The following CCDC91 variants were observed in gnomAD, a reference collection of about 807,000 sequenced individuals.
CCDC91 encodes the protein coiled-coil domain containing 91.
In CCDC91, 48 loss-of-function variants were observed where a neutral mutation model predicts 63.2. That is an observed-to-expected ratio of 0.76 (90% CI 0.60 to 0.97). CCDC91 has a LOEUF of 0.97. CCDC91 is among the 50% of genes least tolerant of loss of function. The probability of loss-of-function intolerance (pLI) is 0.00; values close to 1 mark genes in which losing one functional copy is unlikely to be tolerated. For synonymous variants in CCDC91, 167 were observed against 165.8 expected (o/e 1.01, Z -0.06); for missense variants, 500 against 494.6 (o/e 1.01, Z -0.10).
intron 7 of CCDC91, among the ~76,000 whole-genome samples, chr12:28,366,568 G>A (rs549547884): frequency 6.6e-6 from 1 of 152,302 alleles, no homozygotes; most frequent in East Asian, 1.9e-4. Context: ...GTTAATGAAG[G>A]TGAGGCAGGG....
intron 3 of CCDC91, among the ~76,000 whole-genome samples, chr12:28,267,374 C>A (rs1286672672): frequency 6.6e-6 from 1 of 151,062 alleles, no homozygotes; most frequent in Non-Finnish European, 1.5e-5. Flanking sequence ...TCGCATAGTA[C>A]TGTTTTTTAA....
intron 1 of CCDC91, among the ~76,000 whole-genome samples, chr12:28,218,610 C>T (rs1477746512): frequency 6.6e-6 from 1 of 151,986 alleles, no homozygotes; most frequent in Non-Finnish European, 1.5e-5. Flanking sequence ...CGTCCCACCA[C>T]CTCTGGTCCC....
At chr12:28,334,104 A>G (rs1295647817) in intron 6 of CCDC91, among the ~76,000 whole-genome samples, 1 of 151,876 alleles carries the variant, frequency 6.6e-6, no homozygotes, top group Non-Finnish European at 1.5e-5. Flanking sequence ...GCCTTAAAGT[A>G]TCAAGTGCAG....
chr12:28,448,959 C>T (rs902971036), intron 8 of CCDC91, among the ~76,000 whole-genome samples: 3 of 151,994 alleles, frequency 2.0e-5, no homozygotes, highest in Non-Finnish European at 4.4e-5. Flanking sequence ...AATACTTATA[C>T]GTTAATTATG....
intron 12 of CCDC91, among the ~76,000 whole-genome samples, chr12:28,544,918 A>C (rs1257003325): frequency 6.6e-6 from 1 of 152,042 alleles, no homozygotes; most frequent in Admixed American, 6.6e-5. Context: ...ATTTCCCCCC[A>C]CAAGCTTAAT....
chr12:28,357,311 A>C (rs1943588984), intron 6 of CCDC91, among the ~76,000 whole-genome samples: 1 of 152,142 alleles, frequency 6.6e-6, no homozygotes, highest in African/African-American at 2.4e-5. Context: ...TTTAGCTAAG[A>C]AGCAGTTGGG....
chr12:28,422,036 A>G (rs997015506), intron 8 of CCDC91, among the ~76,000 whole-genome samples: 2 of 152,042 alleles, frequency 1.3e-5, no homozygotes, highest in Non-Finnish European at 2.9e-5. Flanking sequence ...TTTCACTATT[A>G]ATGTATAATA....
chr12:28,474,690 T>G (rs1023997958), intron 11 of CCDC91, among the ~76,000 whole-genome samples: 5 of 151,994 alleles, frequency 3.3e-5, no homozygotes, highest in African/African-American at 1.2e-4. Context: ...TTCTTCATTC[T>G]CCACACTGAA....
rs569951188 is a variant in CCDC91, at chr12:28,246,771, G to T, written c.-14-10431G>T. 2.6e-5 allele frequency among the ~76,000 whole-genome samples: 4 copies of T among 152,282 alleles called. No individual in the cohort carries two copies. The South Asian group carries it at 8.3e-4, about 32-fold the overall frequency. Reference sequence around the variant, plus strand: ...CACTAGAGGAGACAAGAAAGGATGAGTGGGGAAATAATATAGAATTAACTG... The same window carrying T: ...CACTAGAGGAGACAAGAAAGGATGATTGGGGAAATAATATAGAATTAACTG... On this transcript the variant is annotated intron_variant, in intron 1 of 12. Transcript: ENST00000536442.
intron 3 of CCDC91, among the ~76,000 whole-genome samples, chr12:28,267,705 A>T: frequency 8.6e-6 from 1 of 116,888 alleles, no homozygotes; most frequent in South Asian, 2.3e-4. Context: ...TATTATATAT[A>T]ATTATATAAT....
chr12:28,278,114 A>T (rs1014201600), intron 3 of CCDC91, among the ~76,000 whole-genome samples: 1 of 152,038 alleles, frequency 6.6e-6, no homozygotes, highest in Non-Finnish European at 1.5e-5. Flanking sequence ...CTTTTCTGTC[A>T]GTCCTCTAGC....
chr12:28,362,611 T>C (rs1478519044), intron 7 of CCDC91, 96 bp downstream of exon 7: 2 of 634,460 alleles, frequency 3.2e-6, no homozygotes, highest in Non-Finnish European at 5.2e-6. Flanking sequence ...AAATTATATG[T>C]GTAGTCTTAT....
chr12:28,503,784 A>G (rs1938306877), intron 12 of CCDC91, among the ~76,000 whole-genome samples: 1 of 152,186 alleles, frequency 6.6e-6, no homozygotes, highest in Non-Finnish European at 1.5e-5. Flanking sequence ...TGTCCTTTGT[A>G]GGGACATGGA....
intron 8 of CCDC91, among the ~76,000 whole-genome samples, chr12:28,448,701 A>G (rs908661066): frequency 7.2e-5 from 11 of 152,028 alleles, no homozygotes; most frequent in African/African-American, 2.7e-4. Flanking sequence ...AATAACTCCA[A>G]AAATTTTATT....
At chr12:28,543,907 T>A (rs1242806391) in intron 12 of CCDC91, among the ~76,000 whole-genome samples, 2 of 152,032 alleles carry the variant, frequency 1.3e-5, no homozygotes, top group East Asian at 3.9e-4. Context: ...GCAACTCAAG[T>A]TGGTCCTGTC....
intron 3 of CCDC91, among the ~76,000 whole-genome samples, chr12:28,263,029 T>G (rs1458895979): frequency 6.6e-6 from 1 of 152,002 alleles, no homozygotes; most frequent in African/African-American, 2.4e-5. Context: ...TCCCATTGTC[T>G]GTTCCTATAT....
intron 1 of CCDC91, among the ~76,000 whole-genome samples, chr12:28,209,832 A>C (rs1187719099): frequency 6.6e-6 from 1 of 152,136 alleles, no homozygotes; most frequent in Non-Finnish European, 1.5e-5. Flanking sequence ...TTTACATCCC[A>C]TGCTTTCTTA....
At chr12:28,282,891 G>A (rs771644488) in intron 3 of CCDC91, among the ~76,000 whole-genome samples, 6 of 151,980 alleles carry the variant, frequency 3.9e-5, no homozygotes, top group Non-Finnish European at 8.8e-5. Context: ...CATATGGTGA[G>A]AGATAGCGAT....
At chr12:28,447,680 G>C (rs1353609265) in intron 8 of CCDC91, among the ~76,000 whole-genome samples, 1 of 138,052 alleles carries the variant, frequency 7.2e-6, no homozygotes, top group Non-Finnish European at 1.5e-5. Context: ...GAGGATGAAG[G>C]AAGGAAGGAA....
Sources: gnomAD v4.1 joint callset for allele counts (sites outside exome capture counted in the v4.1 genomes callset) on GRCh38, gnomAD v4.1.1 for gene constraint, MANE v1.5 for transcripts, NCBI Gene and HGNC (gene_info 2026-07-23, HGNC 2026-07-21) for gene names.